Variants in DSCAM observed in about 807,000 individuals in gnomAD.
DSCAM encodes cell adhesion molecule DSCAM.
Under a neutral mutation model 217.7 loss-of-function variants are expected in DSCAM, and 47 were observed. The observed-to-expected ratio is 0.22, with a 90% CI of 0.17 to 0.28. The LOEUF (loss-of-function observed/expected upper bound fraction) is 0.28, where lower values mean the gene tolerates loss of function less well. DSCAM is among the 10% of genes least tolerant of loss of function. The pLI is 1.00. For synonymous variants in DSCAM, 1,056 were observed against 1,015.3 expected (o/e 1.04, Z -0.76); for missense variants, 2,080 against 2,618.3 (o/e 0.79, Z 4.49).
chr21:40,130,324 G>C (rs1382052596), intron 19 of DSCAM, among the ~76,000 whole-genome samples: 1 of 152,134 alleles, frequency 6.6e-6, no homozygotes, highest in Non-Finnish European at 1.5e-5. Context: ...AAACAGAAAA[G>C]CCAGATCACC....
At chr21:40,637,701 C>T (rs189623690) in intron 3 of DSCAM, among the ~76,000 whole-genome samples, 27 of 136,708 alleles carry the variant, frequency 2.0e-4, no homozygotes, top group African/African-American at 6.9e-4. Context: ...GAGACAGAGT[C>T]TCACTCTGTC....
chr21:40,626,049 T>G (rs1723420610), intron 3 of DSCAM, among the ~76,000 whole-genome samples: 1 of 151,924 alleles, frequency 6.6e-6, no homozygotes, highest in African/African-American at 2.4e-5. Context: ...CAGAAAAAAA[T>G]GAGAGATGTT....
intron 3 of DSCAM, among the ~76,000 whole-genome samples, chr21:40,565,401 C>A (rs1277929260): frequency 6.6e-6 from 1 of 152,114 alleles, no homozygotes; most frequent in Non-Finnish European, 1.5e-5. Flanking sequence ...CTAGCCTATC[C>A]ACAGCTTCTG....
chr21:40,043,429 A>G (rs1385426465), intron 31 of DSCAM, among the ~76,000 whole-genome samples: 4 of 152,248 alleles, frequency 2.6e-5, no homozygotes, highest in African/African-American at 9.6e-5. Context: ...TTTGAAGTAT[A>G]TCATCAAGAA....
intron 3 of DSCAM, among the ~76,000 whole-genome samples, chr21:40,621,905 A>C (rs1383430697): frequency 7.2e-5 from 5 of 68,972 alleles, no homozygotes; most frequent in African/African-American, 2.3e-4. Context: ...GAGAGAAGGG[A>C]GGGAGGGAGG....
intron 3 of DSCAM, among the ~76,000 whole-genome samples, chr21:40,439,609 A>G (rs1333110693): frequency 6.6e-6 from 1 of 152,220 alleles, no homozygotes; most frequent in Non-Finnish European, 1.5e-5. Context: ...TTCCTTCTGT[A>G]TTAGTCTGCT....
chr21:40,488,168 G>C (rs142654503), intron 3 of DSCAM, among the ~76,000 whole-genome samples: 102 of 152,304 alleles, frequency 6.7e-4, no homozygotes, highest in East Asian at 2.5e-3. Flanking sequence ...AACTCTATGA[G>C]TGTGTCGCCC....
At chr21:40,843,790 CTTTTTTT>C (rs56383167) in intron 1 of DSCAM, among the ~76,000 whole-genome samples, 5 of 118,986 alleles carry the variant, frequency 4.2e-5, no homozygotes, top group Non-Finnish European at 8.8e-5. Flanking sequence ...CTGACTTCTT[CTTTTTTT>C]TTTTTTTTTT....
intron 32 of DSCAM, among the ~76,000 whole-genome samples, chr21:40,039,167 TA>T (rs2088692829): frequency 6.9e-6 from 1 of 143,976 alleles, no homozygotes; most frequent in Non-Finnish European, 1.6e-5. Flanking sequence ...TAAAGTATAA[TA>T]ATAAAGAAAA....
intron 3 of DSCAM, among the ~76,000 whole-genome samples, chr21:40,376,831 T>C (rs926660922): frequency 2.6e-5 from 4 of 151,780 alleles, no homozygotes; most frequent in Non-Finnish European, 5.9e-5. Context: ...AAGCTGCATA[T>C]AAGAGAAAAG....
At chr21:40,742,371 A>G (rs998656311) in intron 1 of DSCAM, among the ~76,000 whole-genome samples, 1 of 152,184 alleles carries the variant, frequency 6.6e-6, no homozygotes, top group Non-Finnish European at 1.5e-5. Flanking sequence ...ATTTGTTTAA[A>G]GATGGAGAAA....
intron 3 of DSCAM, among the ~76,000 whole-genome samples, chr21:40,620,083 AG>A (rs2089467459): frequency 1.2e-5 from 1 of 80,818 alleles, no homozygotes; most frequent in Non-Finnish European, 2.7e-5. Flanking sequence ...AAGAGAAAAA[AG>A]AAAGAGAGAG....
intron 15 of DSCAM, among the ~76,000 whole-genome samples, chr21:40,173,726 TC>T (rs1468552686): frequency 2.6e-5 from 4 of 152,146 alleles, no homozygotes; most frequent in African/African-American, 9.7e-5. Context: ...AGGAAACTCT[TC>T]TTCCAGATCA....
At chr21:40,129,835 G>C (rs1286906095) in intron 19 of DSCAM, among the ~76,000 whole-genome samples, 2 of 152,094 alleles carry the variant, frequency 1.3e-5, no homozygotes, top group East Asian at 3.9e-4. Flanking sequence ...CACGTCACAG[G>C]CACACACTAT....
intron 1 of DSCAM, among the ~76,000 whole-genome samples, chr21:40,769,689 T>C (rs370389835): frequency 2.0e-5 from 3 of 152,228 alleles, no homozygotes; most frequent in African/African-American, 7.2e-5. Flanking sequence ...GCCCTGACTT[T>C]GGAGCATTTT....
intron 3 of DSCAM, among the ~76,000 whole-genome samples, chr21:40,580,801 T>A (rs550151229): frequency 1.3e-5 from 2 of 152,282 alleles, no homozygotes; most frequent in Non-Finnish European, 1.5e-5. Flanking sequence ...CCTACATGAC[T>A]AACTAAAGAA....
At chr21:40,559,387 G>C (rs1307457571) in intron 3 of DSCAM, among the ~76,000 whole-genome samples, 1 of 152,020 alleles carries the variant, frequency 6.6e-6, no homozygotes, top group Non-Finnish European at 1.5e-5. Flanking sequence ...AAACCCGGGG[G>C]GTGGAGCTTG....
intron 2 of DSCAM, among the ~76,000 whole-genome samples, chr21:40,696,588 G>A (rs2146457539): frequency 6.6e-6 from 1 of 152,284 alleles, no homozygotes; most frequent in Non-Finnish European, 1.5e-5. Flanking sequence ...TCTGAAGGCT[G>A]CAGGTTCATG....
Position 40,375,571 on chromosome 21 carries a change from G to T in DSCAM, c.509-6326C>A, listed in dbSNP as rs141219031. On this transcript the variant is annotated intron_variant, in intron 3 of 32. Transcript: ENST00000400454. ...AAGTCACATGATCATGGTCATTCATGATGAGAGACTTGGTTTTATTATACC... is the reference window on the plus strand; with the variant it reads ...AAGTCACATGATCATGGTCATTCATTATGAGAGACTTGGTTTTATTATACC... 9.2e-4 allele frequency among the ~76,000 whole-genome samples: 140 copies of T among 152,334 alleles called. 1 individual carries two copies. The highest frequency in any genetic ancestry group is 3.4e-3 in the Middle Eastern group (1 of 294).
Sources: gnomAD v4.1 joint callset for allele counts (sites outside exome capture counted in the v4.1 genomes callset) on GRCh38, gnomAD v4.1.1 for gene constraint, MANE v1.5 for transcripts, NCBI Gene and HGNC (gene_info 2026-07-23, HGNC 2026-07-21) for gene names.